The following HS3ST2 variants were observed in gnomAD, a reference collection of about 807,000 sequenced individuals.
The protein encoded by HS3ST2 is heparan sulfate-glucosamine 3-sulfotransferase 2.
A neutral mutation model predicts 26.3 loss-of-function variants in HS3ST2; 17 were observed. That is an observed-to-expected ratio of 0.65 (90% CI 0.44 to 0.97). HS3ST2 has a LOEUF of 0.97. Among genes scored for constraint, HS3ST2 ranks in the 50% least tolerant of loss-of-function variants. HS3ST2 has a pLI of 0.00. For missense variants in HS3ST2, 402 were observed against 501.2 expected (o/e 0.80, Z 1.89); for synonymous variants, 237 against 219.2 (o/e 1.08, Z -0.72).
At chr16:22,835,076 A>C (rs1901234681) in intron 1 of HS3ST2, among the ~76,000 whole-genome samples, 1 of 152,008 alleles carries the variant, frequency 6.6e-6, no homozygotes, top group African/African-American at 2.4e-5. Flanking sequence ...TTGGTTCTAC[A>C]TTTTCATCCA....
At position 22,915,573 on chromosome 16, in the gene HS3ST2, G is replaced by A. The variant is rs759023540; in HGVS notation, c.*11G>A. ...TTCAGGTGGGAATAAGCCCACGAAAGGAAAGGGCTCTCAAGGGCTCTTCTG... is the reference window on the plus strand; with the variant it reads ...TTCAGGTGGGAATAAGCCCACGAAAAGAAAGGGCTCTCAAGGGCTCTTCTG... On this transcript the variant is annotated 3_prime_UTR_variant, in exon 2 of 2. Coordinates refer to ENST00000261374, the MANE Select transcript of HS3ST2 (RefSeq NM_006043.2). 6 of 1,606,104 alleles carry A rather than the reference G, an allele frequency of 3.7e-6. No individual in the cohort carries two copies. In the South Asian group the frequency reaches 4.5e-5, roughly 12 times the overall value.
chr16:22,903,112 G>T (rs1173375424), intron 1 of HS3ST2, among the ~76,000 whole-genome samples: 1 of 151,912 alleles, frequency 6.6e-6, no homozygotes, highest in Non-Finnish European at 1.5e-5. Flanking sequence ...CTCATGCCTA[G>T]AAAGGCTGTC....
chr16:22,867,868 TTTTA>T (rs1901778657), intron 1 of HS3ST2, among the ~76,000 whole-genome samples: 2 of 152,196 alleles, frequency 1.3e-5, no homozygotes, highest in Admixed American at 1.3e-4. Flanking sequence ...TTTAGTATAG[TTTTA>T]TTTGACTATT....
intron 1 of HS3ST2, among the ~76,000 whole-genome samples, chr16:22,903,167 G>A (rs1278972356): frequency 1.3e-5 from 2 of 151,966 alleles, no homozygotes; most frequent in Admixed American, 1.3e-4. Context: ...TTCTTCTTGT[G>A]TGAGAGTCAC....
At position 22,834,107 on chromosome 16, in the gene HS3ST2, A is replaced by G. The variant is rs142419865; in HGVS notation, c.485+19012A>G. 9.5e-3 allele frequency among the ~76,000 whole-genome samples: 1,444 copies of G among 152,330 alleles called. 20 individuals are homozygous for G. The highest frequency in any genetic ancestry group is 0.033 in the African/African-American group (1,382 of 41,578). On this transcript the variant is annotated intron_variant, in intron 1 of 1. Transcript: ENST00000261374. ...GGGTGTGAAATTGGGTGCATGGAAA[A>G]GCAGGGATAGGAGAGAGACTTTTCT...
Position 22,915,190 on chromosome 16 carries a change from AT to A in HS3ST2, c.733del (p.Trp245GlyfsTer22). 1 of 1,613,922 alleles carries A rather than the reference AT, an allele frequency of 6.2e-7. No homozygotes were observed. Among genetic ancestry groups the A allele is most frequent in the Non-Finnish European group, 8.5e-7 (1 of 1,179,986 alleles). ...NRTLGLVDVS[W>X]NAIRIGMYVL... ...GCACCCTGGGCCTGGTGGACGTGTCATGGAACGCCATCCGCATCGGCATGTA... is the reference window on the plus strand; with the variant it reads ...GCACCCTGGGCCTGGTGGACGTGTCAGGAACGCCATCCGCATCGGCATGTA... On this transcript the variant is annotated frameshift_variant, in exon 2 of 2. Transcript: ENST00000261374. LOFTEE classifies it high-confidence loss of function.
chr16:22,890,117 ACCT>A (rs1902110061), intron 1 of HS3ST2, among the ~76,000 whole-genome samples: 1 of 152,084 alleles, frequency 6.6e-6, no homozygotes, highest in South Asian at 2.1e-4. Flanking sequence ...CTCTCCTTTG[ACCT>A]CCTTGCTAAT....
In HS3ST2 at chr16:22,881,140, G is replaced by A. The variant is rs921778680; in HGVS notation, c.486-33804G>A. On this transcript the variant is annotated intron_variant, in intron 1 of 1. Transcript: ENST00000261374. ...ATGATTCTGGGAAAGAACTTCCCTC[G>A]TCTAAAGTCACTTCCCTCGTCTGAA... Among the ~76,000 whole-genome samples the A allele has an allele frequency of 2.6e-5, 4 of 152,166 alleles. No individual in the cohort carries two copies. In the East Asian group the frequency reaches 7.7e-4, roughly 29 times the overall value.
rs1435337215 is a variant in HS3ST2 at position 22,847,834 on chromosome 16, TAAAG to T, written c.485+32743_485+32746del. Among the ~76,000 whole-genome samples, 7 of 53,844 alleles carry T rather than the reference TAAAG, an allele frequency of 1.3e-4. No individual in the cohort carries two copies. In the East Asian group the frequency reaches 1.6e-3, roughly 13 times the overall value. 35.3% of individuals were successfully genotyped at this position (53,844 alleles called of 152,430 possible). On this transcript the variant is annotated intron_variant, in intron 1 of 1. Coordinates refer to ENST00000261374, the MANE Select transcript of HS3ST2 (RefSeq NM_006043.2). ...AGGAGGAGGAGAAGAAAGAAAAAAA[TAAAG>T]AAAAGGAAGGAAGGAAGGAGAAAAA...
intron 1 of HS3ST2, among the ~76,000 whole-genome samples, chr16:22,873,856 G>A (rs1267199284): frequency 6.6e-6 from 1 of 152,156 alleles, no homozygotes; most frequent in Non-Finnish European, 1.5e-5. Context: ...GTCGACTGCG[G>A]CTGACTGATG....
At chr16:22,856,941 C>T (rs980004798) in intron 1 of HS3ST2, among the ~76,000 whole-genome samples, 3 of 152,118 alleles carry the variant, frequency 2.0e-5, no homozygotes, top group African/African-American at 7.2e-5. Context: ...AAAATGAAAA[C>T]ATTTTCAACA....
intron 1 of HS3ST2, among the ~76,000 whole-genome samples, chr16:22,845,685 CA>C: frequency 6.6e-6 from 1 of 152,218 alleles, no homozygotes; most frequent in Non-Finnish European, 1.5e-5. Context: ...TCTATTGATA[CA>C]AAAATCCATG....
intron 1 of HS3ST2, among the ~76,000 whole-genome samples, chr16:22,849,551 T>C (rs146546201): frequency 6.6e-6 from 1 of 152,346 alleles, no homozygotes; most frequent in East Asian, 1.9e-4. Context: ...TTCTTGCTCA[T>C]GCTACATGTC....
At chr16:22,883,569 A>C (rs1479199642) in intron 1 of HS3ST2, among the ~76,000 whole-genome samples, 1 of 152,240 alleles carries the variant, frequency 6.6e-6, no homozygotes, top group Non-Finnish European at 1.5e-5. Flanking sequence ...TCTAGTGGCT[A>C]TAATAACTAT....
At chr16:22,818,722 TCCCTCCCTCCCTCCTTC>T (rs1567478185) in intron 1 of HS3ST2, among the ~76,000 whole-genome samples, 12 of 45,744 alleles carry the variant, frequency 2.6e-4, no homozygotes, top group African/African-American at 1.2e-3. Flanking sequence ...CTTCCTTCCT[TCCCTCCCTCCCTCCTTC>T]CCTTCCTTCC....
chr16:22,866,325 G>A (rs551974185), intron 1 of HS3ST2, among the ~76,000 whole-genome samples: 82 of 148,566 alleles, frequency 5.5e-4, no homozygotes, highest in Non-Finnish European at 8.2e-4. Context: ...GTGCGCGCGC[G>A]CGCACACACA....
intron 1 of HS3ST2, among the ~76,000 whole-genome samples, chr16:22,870,570 T>TCTC (rs1567492817): frequency 6.6e-6 from 1 of 152,108 alleles, no homozygotes; most frequent in East Asian, 1.9e-4. Flanking sequence ...GTCTCTCTGA[T>TCTC]CTCCTCCCCT....
intron 1 of HS3ST2, among the ~76,000 whole-genome samples, chr16:22,854,236 G>C (rs142894529): frequency 8.5e-4 from 130 of 152,276 alleles, no homozygotes; most frequent in African/African-American, 2.8e-3. Context: ...CAGAGGTAAA[G>C]TCTGAGGCCA....
chr16:22,859,227 AG>A (rs1901643482), intron 1 of HS3ST2, among the ~76,000 whole-genome samples: 1 of 152,208 alleles, frequency 6.6e-6, no homozygotes, highest in South Asian at 2.1e-4. Context: ...CAGTTCTCCC[AG>A]CCAAATGTTA....
Sources: gnomAD v4.1 joint callset for allele counts (sites outside exome capture counted in the v4.1 genomes callset) on GRCh38, gnomAD v4.1.1 for gene constraint, MANE v1.5 for transcripts, NCBI Gene and HGNC (gene_info 2026-07-23, HGNC 2026-07-21) for gene names.